Variants in VGLL3 observed in about 807,000 individuals in gnomAD.
VGLL3 encodes transcription cofactor vestigial-like protein 3.
Under a neutral mutation model 29.2 loss-of-function variants are expected in VGLL3, and 18 were observed. The ratio of observed to expected loss-of-function variants is 0.62; its 90% confidence interval spans 0.43 to 0.91. The LOEUF is 0.91. Ranked by LOEUF, VGLL3 falls within the 40% of genes least tolerant of loss-of-function variation. VGLL3 has a pLI of 0.00. For missense variants in VGLL3, 440 were observed against 413.2 expected (o/e 1.06, Z -0.56); for synonymous variants, 180 against 151.8 (o/e 1.19, Z -1.36).
chr3:86,984,883 C>T (rs189305523), intron 1 of VGLL3, among the ~76,000 whole-genome samples: 168 of 152,098 alleles, frequency 1.1e-3, no homozygotes, highest in Non-Finnish European at 1.8e-3. Flanking sequence ...CTCTAAGTGG[C>T]TAATATTCCA....
chr3:86,951,479 A>G (rs1704616501), intron 3 of VGLL3, among the ~76,000 whole-genome samples: 1 of 152,118 alleles, frequency 6.6e-6, no homozygotes, highest in Non-Finnish European at 1.5e-5. Context: ...TTCTAATACC[A>G]GTACCTGGGG....
In VGLL3 at chr3:86,943,090, T is replaced by C. The variant is rs1704432968; in HGVS notation, c.*3934A>G. 6.6e-6 allele frequency: 1 copy of C among 152,110 alleles called. No homozygotes were observed. Among genetic ancestry groups the C allele is most frequent in the East Asian group, 1.9e-4 (1 of 5,186 alleles). The allele number at this position is 152,110 out of a possible 1,614,324, so 9.4% of individuals were successfully genotyped here. Reference sequence around the variant, plus strand: ...GTATTATTCCATTTTACTCATGAGATAAATAAATGAAGCCCCAAACCACAC... The same window carrying C: ...GTATTATTCCATTTTACTCATGAGACAAATAAATGAAGCCCCAAACCACAC... On this transcript the variant is annotated 3_prime_UTR_variant, in exon 4 of 4. Coordinates refer to ENST00000398399, the MANE Select transcript of VGLL3 (RefSeq NM_016206.4).
In VGLL3 at chr3:86,947,149, G is replaced by A. The variant is rs183880705; in HGVS notation, c.938-82C>T. ...AATAAGCATAATCTGCAATACATTG[G>A]ATATAGAAACCAAAATGATAATCCA... On this transcript the variant is annotated intron_variant, in intron 3 of 3. Transcript: ENST00000398399. 1,432 of 761,824 alleles carry A rather than the reference G, an allele frequency of 1.9e-3. 12 individuals carry two copies. In the African/African-American group the frequency reaches 0.022, roughly 12 times the overall value. 47.2% of individuals were successfully genotyped at this position (761,824 alleles called of 1,614,324 possible).
chr3:86,940,184 T>A lies in VGLL3; in HGVS notation c.*6840A>T, dbSNP rs13074432. The stretch of plus-strand genomic sequence containing the variant: ...TGTAATAAGAAAATTGAAGGCCCAC[T>A]TAGAGAAACTCTAGCTTTCTTCAGA... On this transcript the variant is annotated 3_prime_UTR_variant, in exon 4 of 4. Transcript: ENST00000398399. 1 of 151,950 alleles carries A rather than the reference T, an allele frequency of 6.6e-6. No individual in the cohort carries two copies. Among genetic ancestry groups the A allele is most frequent in the Non-Finnish European group, 1.5e-5 (1 of 67,986 alleles). The allele number at this position is 151,950 out of a possible 1,614,324, so 9.4% of individuals were successfully genotyped here. A position where few individuals can be genotyped will look rare whatever the true frequency, so the allele number is the denominator to read the frequency against.
At chr3:86,978,129 C>T (rs1705247322) in intron 2 of VGLL3, among the ~76,000 whole-genome samples, 1 of 152,162 alleles carries the variant, frequency 6.6e-6, no homozygotes, top group Non-Finnish European at 1.5e-5. Context: ...AGACTCAGGT[C>T]TCTGGTATGT....
intron 3 of VGLL3, among the ~76,000 whole-genome samples, chr3:86,967,146 C>T (rs1452545710): frequency 6.6e-6 from 1 of 151,932 alleles, no homozygotes; most frequent in African/African-American, 2.4e-5. Flanking sequence ...AAGAACACGC[C>T]CTTTGCCTGC....
chr3:86,969,478 C>T (rs1488244021), intron 2 of VGLL3, among the ~76,000 whole-genome samples: 1 of 152,202 alleles, frequency 6.6e-6, no homozygotes, highest in Non-Finnish European at 1.5e-5. Context: ...CTACCCACTT[C>T]ACTGGTAAAG....
At chr3:86,968,459 T>C (rs1053124287) in intron 3 of VGLL3, 131 bp downstream of exon 3, 1 of 1,038,712 alleles carries the variant, frequency 9.6e-7, no homozygotes, top group Non-Finnish European at 1.4e-6. Context: ...TATTGCAAAA[T>C]GGCTAGGTTC....
chr3:86,947,563 G>A (rs1367049707), intron 3 of VGLL3, among the ~76,000 whole-genome samples: 1 of 152,106 alleles, frequency 6.6e-6, no homozygotes, highest in African/African-American at 2.4e-5. Flanking sequence ...AACTATGTGA[G>A]CAATTAGATG....
intron 1 of VGLL3, among the ~76,000 whole-genome samples, chr3:86,983,606 C>T (rs1452795627): frequency 6.6e-6 from 1 of 152,034 alleles, no homozygotes. Flanking sequence ...GGTTGGTCTC[C>T]AACTCCCGGC....
chr3:86,990,585 C>A, intron 1 of VGLL3, 33 bp downstream of exon 1: 1 of 1,317,698 alleles, frequency 7.6e-7, no homozygotes. Flanking sequence ...CCTTCGCCCC[C>A]GCCCCCAGCA....
chr3:86,981,738 G>T (rs943679706), intron 1 of VGLL3, among the ~76,000 whole-genome samples: 2 of 151,960 alleles, frequency 1.3e-5, no homozygotes, highest in Admixed American at 1.3e-4. Flanking sequence ...CCATAGGCAG[G>T]ACACAAGAAT....
At chr3:86,983,652 G>A (rs1030291250) in intron 1 of VGLL3, among the ~76,000 whole-genome samples, 1 of 152,134 alleles carries the variant, frequency 6.6e-6, no homozygotes, top group South Asian at 2.1e-4. Context: ...TCCCAGAAGT[G>A]TTGGGATTAC....
At chr3:86,969,608 G>A (rs911948072) in intron 2 of VGLL3, among the ~76,000 whole-genome samples, 2 of 152,118 alleles carry the variant, frequency 1.3e-5, no homozygotes, top group Non-Finnish European at 2.9e-5. Context: ...AACAATGGAA[G>A]TAAGATTACA....
intron 3 of VGLL3, among the ~76,000 whole-genome samples, chr3:86,947,941 CTTTTA>C (rs762661295): frequency 2.6e-5 from 4 of 151,326 alleles, no homozygotes; most frequent in African/African-American, 4.9e-5. Flanking sequence ...CTCGAAGTTA[CTTTTA>C]TTTTGTTTTT....
At chr3:86,974,862 T>C (rs991647487) in intron 2 of VGLL3, among the ~76,000 whole-genome samples, 1 of 152,176 alleles carries the variant, frequency 6.6e-6, no homozygotes, top group African/African-American at 2.4e-5. Context: ...TAAGACTGTG[T>C]GTTTTGTACC....
In VGLL3 at chr3:86,944,361, T is replaced by A. The variant is rs552360717; in HGVS notation, c.*2663A>T. ...CCCAGGCTCAAACGTTCCTCCGGAC[T>A]CAGCCTCCAGAGTAGCTGGGACAAC... On this transcript the variant is annotated 3_prime_UTR_variant, in exon 4 of 4. Transcript: ENST00000398399. 4 of 152,694 alleles carry A rather than the reference T, an allele frequency of 2.6e-5. No individual in the cohort carries two copies. The highest frequency in any genetic ancestry group is 2.6e-4 in the Admixed American group (4 of 15,292). The allele number at this position is 152,694 out of a possible 1,614,324, so 9.5% of individuals were successfully genotyped here.
rs570782299 is a variant in VGLL3, at chr3:86,942,779, C to A, written c.*4245G>T. ...AAGAAACGTACATTTATCTCCTATA[C>A]CAGGTAGAAGGAACAGTTAGTAGGA... On this transcript the variant is annotated 3_prime_UTR_variant, in exon 4 of 4. Coordinates refer to ENST00000398399, the MANE Select transcript of VGLL3 (RefSeq NM_016206.4). The A allele has an allele frequency of 6.6e-6, 1 of 152,170 alleles. No homozygotes were observed. Among genetic ancestry groups the A allele is most frequent in the East Asian group, 1.9e-4 (1 of 5,186 alleles). 9.4% of individuals were successfully genotyped at this position (152,170 alleles called of 1,614,324 possible).
intron 1 of VGLL3, among the ~76,000 whole-genome samples, chr3:86,987,837 A>G (rs1457756419): frequency 1.3e-5 from 2 of 152,214 alleles, no homozygotes; most frequent in African/African-American, 4.8e-5. Flanking sequence ...GGTTTTTAAA[A>G]TGACATTCAC....
Sources: gnomAD v4.1 joint callset for allele counts (sites outside exome capture counted in the v4.1 genomes callset) on GRCh38, gnomAD v4.1.1 for gene constraint, MANE v1.5 for transcripts, NCBI Gene and HGNC (gene_info 2026-07-23, HGNC 2026-07-21) for gene names.